Variants in SLC9A9 observed in about 807,000 individuals in gnomAD.
SLC9A9 encodes the protein solute carrier family 9 member A9.
Under a neutral mutation model 77.8 loss-of-function variants are expected in SLC9A9, and 62 were observed. That is an observed-to-expected ratio of 0.80 (90% CI 0.65 to 0.98). The LOEUF (loss-of-function observed/expected upper bound fraction) is 0.98, where lower values mean the gene tolerates loss of function less well. Ranked by LOEUF, SLC9A9 falls within the 50% of genes least tolerant of loss-of-function variation. The probability of loss-of-function intolerance (pLI) is 0.00; values close to 1 mark genes in which losing one functional copy is unlikely to be tolerated. For synonymous variants in SLC9A9, 320 were observed against 283.5 expected, an observed-to-expected ratio of 1.13 and a Z score of -1.29; for missense variants, 775 against 774.9, an observed-to-expected ratio of 1.00 and a Z score of 0.00.
intron 4 of SLC9A9, among the ~76,000 whole-genome samples, chr3:143,774,913 C>G (rs16854273): frequency 6.6e-6 from 1 of 152,128 alleles, no homozygotes; most frequent in Admixed American, 6.5e-5. Context: ...TTCTCCTCAG[C>G]TTTTCTGGCT....
intron 5 of SLC9A9, among the ~76,000 whole-genome samples, chr3:143,691,855 C>G (rs1020826985): frequency 1.3e-5 from 2 of 152,122 alleles, no homozygotes; most frequent in Non-Finnish European, 2.9e-5. Flanking sequence ...ATGGTATTCA[C>G]TTTCATTGCA....
intron 4 of SLC9A9, among the ~76,000 whole-genome samples, chr3:143,719,070 G>A (rs533102821): frequency 5.7e-4 from 87 of 152,282 alleles, no homozygotes; most frequent in African/African-American, 2.0e-3. Flanking sequence ...ACTTCTTAAT[G>A]TGTTCTATAA....
intron 14 of SLC9A9, among the ~76,000 whole-genome samples, chr3:143,291,458 C>T (rs2029966376): frequency 1.3e-5 from 2 of 152,192 alleles, no homozygotes. Context: ...CACATCATCT[C>T]TCACTCTACC....
At chr3:143,681,686 G>T (rs867212553) in intron 5 of SLC9A9, among the ~76,000 whole-genome samples, 62 of 152,194 alleles carry the variant, frequency 4.1e-4, no homozygotes, top group African/African-American at 1.4e-3. Flanking sequence ...CTGGGTGTGT[G>T]CTCTGTTTAT....
chr3:143,754,930 G>T (rs745782641), intron 4 of SLC9A9, among the ~76,000 whole-genome samples: 1 of 152,074 alleles, frequency 6.6e-6, no homozygotes, highest in African/African-American at 2.4e-5. Flanking sequence ...TCCCCCTGTC[G>T]CCTAACATAG....
chr3:143,526,799 G>A (rs964615053), intron 9 of SLC9A9, among the ~76,000 whole-genome samples: 3 of 152,238 alleles, frequency 2.0e-5, no homozygotes, highest in African/African-American at 7.2e-5. Context: ...AATATTAGGA[G>A]TTTGCAGCCA....
At chr3:143,648,101 G>C (rs1457039043) in intron 6 of SLC9A9, among the ~76,000 whole-genome samples, 2 of 138,444 alleles carry the variant, frequency 1.4e-5, no homozygotes, top group Non-Finnish European at 3.1e-5. Flanking sequence ...AGGCTCTGTA[G>C]ATTACAGGGC....
intron 4 of SLC9A9, among the ~76,000 whole-genome samples, chr3:143,738,723 A>G (rs1935002697): frequency 6.6e-6 from 1 of 152,190 alleles, no homozygotes. Flanking sequence ...CTGTCTAGAA[A>G]TTGGAAGTCC....
intron 9 of SLC9A9, among the ~76,000 whole-genome samples, chr3:143,538,723 A>G (rs1025048581): frequency 6.6e-6 from 1 of 152,152 alleles, no homozygotes; most frequent in Non-Finnish European, 1.5e-5. Context: ...CCCCCATACT[A>G]TAATCAGAGC....
chr3:143,334,754 T>G (rs2108458088), intron 14 of SLC9A9, among the ~76,000 whole-genome samples: 1 of 152,280 alleles, frequency 6.6e-6, no homozygotes, highest in Non-Finnish European at 1.5e-5. Flanking sequence ...GCATTACAAC[T>G]ATATATATTA....
chr3:143,561,512 C>G (rs79625451), intron 8 of SLC9A9, among the ~76,000 whole-genome samples: 9,875 of 152,148 alleles, frequency 0.065, 588 homozygotes, highest in African/African-American at 0.16. Flanking sequence ...AAATAAAGAG[C>G]TGCACGGTAA....
At chr3:143,360,956 AT>A (rs2032737493) in intron 14 of SLC9A9, among the ~76,000 whole-genome samples, 1 of 152,234 alleles carries the variant, frequency 6.6e-6, no homozygotes, top group African/African-American at 2.4e-5. Context: ...TGTGGGCCTC[AT>A]GCAATCAGTT....
chr3:143,670,753 C>G (rs992850381), intron 5 of SLC9A9, among the ~76,000 whole-genome samples: 1 of 152,196 alleles, frequency 6.6e-6, no homozygotes, highest in African/African-American at 2.4e-5. Flanking sequence ...TGCCAGTTGT[C>G]GTATCTACCT....
intron 4 of SLC9A9, among the ~76,000 whole-genome samples, chr3:143,774,019 A>G (rs1358922679): frequency 1.3e-5 from 2 of 152,258 alleles, no homozygotes; most frequent in Non-Finnish European, 2.9e-5. Context: ...ATGCAATAAC[A>G]GATGTGTTTA....
chr3:143,378,298 C>G (rs187947281), intron 13 of SLC9A9, among the ~76,000 whole-genome samples: 16 of 152,272 alleles, frequency 1.1e-4, no homozygotes, highest in African/African-American at 3.4e-4. Context: ...TGCACGCATA[C>G]CAGTTAAGAG....
intron 2 of SLC9A9, among the ~76,000 whole-genome samples, chr3:143,802,747 T>C (rs933629296): frequency 1.3e-5 from 2 of 152,186 alleles, no homozygotes; most frequent in Admixed American, 1.3e-4. Context: ...AATGGTCTTT[T>C]AAAGACACAC....
intron 14 of SLC9A9, chr3:143,343,342 T>C (rs953834726): frequency 6.6e-6 from 1 of 152,180 alleles, no homozygotes; most frequent in Non-Finnish European, 1.5e-5. Flanking sequence ...CATCTTTTCA[T>C]TTTCTAGGCA....
chr3:143,515,338 A>G (rs868640921), intron 9 of SLC9A9, among the ~76,000 whole-genome samples: 2 of 152,240 alleles, frequency 1.3e-5, no homozygotes, highest in South Asian at 2.1e-4. Context: ...ACACAGAGAC[A>G]TAAAATGAGC....
chr3:143,322,719 G>T (rs1410579155), intron 14 of SLC9A9, among the ~76,000 whole-genome samples: 2 of 152,146 alleles, frequency 1.3e-5, no homozygotes, highest in African/African-American at 4.8e-5. Context: ...TATTTCTGGT[G>T]TATTAACTAG....
Sources: allele counts gnomAD v4.1 joint callset (sites outside exome capture counted in the v4.1 genomes callset), GRCh38; gene constraint gnomAD v4.1.1; transcripts MANE v1.5; gene names NCBI Gene and HGNC (gene_info 2026-07-23, HGNC 2026-07-21).